Variants in NBEA observed in about 807,000 individuals in gnomAD.
NBEA encodes neurobeachin.
A neutral mutation model predicts 343.4 loss-of-function variants in NBEA; 44 were observed. The observed-to-expected ratio is 0.13, with a 90% CI of 0.10 to 0.16. NBEA has a LOEUF of 0.16. NBEA is among the 10% of genes least tolerant of loss of function. The probability of loss-of-function intolerance (pLI) is 1.00; values close to 1 mark genes in which losing one functional copy is unlikely to be tolerated. For synonymous variants in NBEA, 1,175 were observed against 1,238.7 expected, an observed-to-expected ratio of 0.95 and a Z score of 1.08; for missense variants, 2,555 against 3,631.3, an observed-to-expected ratio of 0.70 and a Z score of 7.62.
intron 18 of NBEA, among the ~76,000 whole-genome samples, chr13:35,153,642 G>T (rs2068946467): frequency 6.6e-6 from 1 of 152,144 alleles, no homozygotes; most frequent in Non-Finnish European, 1.5e-5. Flanking sequence ...TATTAGATAG[G>T]CAAGGCAGTT....
At chr13:35,064,375 CCTTT>C in intron 8 of NBEA, among the ~76,000 whole-genome samples, 1 of 151,872 alleles carries the variant, frequency 6.6e-6, no homozygotes, top group Non-Finnish European at 1.5e-5. Flanking sequence ...AGTTAAATCT[CCTTT>C]CTTCTTCATT....
At chr13:35,175,585 G>A (rs1449148809) in intron 27 of NBEA, among the ~76,000 whole-genome samples, 1 of 152,154 alleles carries the variant, frequency 6.6e-6, no homozygotes, top group Admixed American at 6.5e-5. Flanking sequence ...AAGGAAATTG[G>A]TAGTAACTTA....
At chr13:35,078,186 T>C (rs2064204373) in intron 10 of NBEA, among the ~76,000 whole-genome samples, 1 of 152,178 alleles carries the variant, frequency 6.6e-6, no homozygotes. Context: ...GTATACCAAA[T>C]GACCCATTAT....
chr13:35,613,265 T>A (rs1420080537), intron 48 of NBEA, among the ~76,000 whole-genome samples: 1 of 150,806 alleles, frequency 6.6e-6, no homozygotes, highest in East Asian at 1.9e-4. Flanking sequence ...GTTTGACTTT[T>A]TTAGATTCCA....
intron 1 of NBEA, among the ~76,000 whole-genome samples, chr13:35,009,418 T>C (rs2061413501): frequency 6.6e-6 from 1 of 152,064 alleles, no homozygotes; most frequent in African/African-American, 2.4e-5. Flanking sequence ...TTTGATAAGA[T>C]GACATGGGAA....
chr13:35,453,290 A>G (rs907491490), intron 40 of NBEA, among the ~76,000 whole-genome samples: 30 of 152,214 alleles, frequency 2.0e-4, no homozygotes, highest in African/African-American at 7.0e-4. Context: ...TAATAAGTTT[A>G]TTCTAATGCT....
At chr13:35,660,294 T>C (rs142963995) in intron 55 of NBEA, among the ~76,000 whole-genome samples, 160 of 152,350 alleles carry the variant, frequency 1.1e-3, no homozygotes, top group African/African-American at 3.7e-3. Flanking sequence ...TTTTAATGTT[T>C]ATACCACATA....
At chr13:34,992,000 A>G (rs1421218919) in intron 1 of NBEA, among the ~76,000 whole-genome samples, 1 of 150,716 alleles carries the variant, frequency 6.6e-6, no homozygotes, top group African/African-American at 2.4e-5. Context: ...TGATGAGAAG[A>G]AAGTAGTCAT....
chr13:35,301,034 A>G (rs568376191), intron 35 of NBEA, among the ~76,000 whole-genome samples: 1 of 152,278 alleles, frequency 6.6e-6, no homozygotes, highest in South Asian at 2.1e-4. Flanking sequence ...ATGCAATCCT[A>G]ACATTTTCTG....
chr13:35,006,467 T>G (rs1049213818), intron 1 of NBEA, among the ~76,000 whole-genome samples: 3 of 152,130 alleles, frequency 2.0e-5, no homozygotes, highest in African/African-American at 7.2e-5. Flanking sequence ...TTCCATCTTT[T>G]AAAGCTCTTC....
chr13:35,144,744 G>A (rs139233498), intron 18 of NBEA, among the ~76,000 whole-genome samples: 92 of 152,186 alleles, frequency 6.0e-4, no homozygotes, highest in Non-Finnish European at 1.2e-3. Flanking sequence ...GGAAATCTTT[G>A]GCTGCCTGGC....
At chr13:35,232,340 G>A (rs2075021813) in intron 33 of NBEA, among the ~76,000 whole-genome samples, 152 bp from the exon 34 acceptor site, 2 of 152,112 alleles carry the variant, frequency 1.3e-5, no homozygotes, top group Admixed American at 1.3e-4. Context: ...TTGTGAAACT[G>A]TACAGGGTAT....
intron 34 of NBEA, among the ~76,000 whole-genome samples, chr13:35,280,923 G>C (rs2035009213): frequency 6.6e-6 from 1 of 151,780 alleles, no homozygotes; most frequent in Non-Finnish European, 1.5e-5. Flanking sequence ...GTTTATAATA[G>C]GTCTAATATT....
chr13:35,307,995 T>C (rs1347297409), intron 35 of NBEA, among the ~76,000 whole-genome samples: 1 of 152,066 alleles, frequency 6.6e-6, no homozygotes. Flanking sequence ...AGTGGCTTTG[T>C]ACTATCCCCA....
At chr13:35,164,291 C>A in intron 23 of NBEA, 65 bp from the exon 24 acceptor site, 1 of 1,372,638 alleles carries the variant, frequency 7.3e-7, no homozygotes, top group Non-Finnish European at 9.7e-7. Flanking sequence ...ACTTGTTATT[C>A]TAATTGTCTA....
intron 1 of NBEA, among the ~76,000 whole-genome samples, chr13:35,031,356 G>A (rs541432704): frequency 2.0e-5 from 3 of 151,776 alleles, no homozygotes; most frequent in African/African-American, 4.8e-5. Flanking sequence ...AAAAAGTGAT[G>A]TTTGAGTTGG....
In NBEA at chr13:35,173,451, A is replaced by G. The variant is rs1261112798; in HGVS notation, c.4424-13A>G. 3 of 1,573,020 alleles carry G rather than the reference A, an allele frequency of 1.9e-6. No homozygotes were observed. Among genetic ancestry groups the G allele is most frequent in the African/African-American group, 2.7e-5 (2 of 73,450 alleles). On this transcript the variant is annotated splice_polypyrimidine_tract_variant and intron_variant, in intron 26 of 58. Transcript: ENST00000379939. The stretch of plus-strand genomic sequence containing the variant: ...AATTTATATTAACAATATGTTTTTG[A>G]ATTTTTAAATAGTTTGTTGTGTTGC...
chr13:35,450,288 A>C (rs2046243583), intron 39 of NBEA, among the ~76,000 whole-genome samples: 1 of 151,792 alleles, frequency 6.6e-6, no homozygotes. Context: ...CAGCCTGAGA[A>C]TATAGTAAGA....
chr13:35,021,158 G>A (rs1023957595), intron 1 of NBEA, among the ~76,000 whole-genome samples: 1 of 151,818 alleles, frequency 6.6e-6, no homozygotes, highest in Non-Finnish European at 1.5e-5. Context: ...TGTGTCATGG[G>A]CTGGCAAACT....
Sources: allele counts gnomAD v4.1 joint callset (sites outside exome capture counted in the v4.1 genomes callset), GRCh38; gene constraint gnomAD v4.1.1; transcripts MANE v1.5; gene names NCBI Gene and HGNC (gene_info 2026-07-23, HGNC 2026-07-21).